Variants in ARHGAP23 observed in about 807,000 individuals in gnomAD.
The protein encoded by ARHGAP23 is Rho GTPase activating protein 23.
Under a neutral mutation model 136.3 loss-of-function variants are expected in ARHGAP23, and 34 were observed. The ratio of observed to expected loss-of-function variants is 0.25; its 90% CI spans 0.19 to 0.33. ARHGAP23 has a LOEUF of 0.33. ARHGAP23 is among the 10% of genes least tolerant of loss of function. The probability of loss-of-function intolerance (pLI) is 1.00; values close to 1 mark genes in which losing one functional copy is unlikely to be tolerated. For missense variants in ARHGAP23, 1,808 were observed against 2,139.0 expected (o/e 0.85, Z 3.05); for synonymous variants, 832 against 920.5 (o/e 0.90, Z 1.74).
intron 1 of ARHGAP23, among the ~76,000 whole-genome samples, chr17:38,448,652 T>TG (rs1265659462): frequency 2.7e-5 from 4 of 148,594 alleles, no homozygotes; most frequent in African/African-American, 1.0e-4. Flanking sequence ...TTTTTTTTTT[T>TG]TTTTTTTTTT....
upstream of ARHGAP23, among the ~76,000 whole-genome samples, chr17:38,426,572 A>AAAAAAAAAAAAAAAAAAAG (rs1567767218): frequency 2.7e-5 from 4 of 149,390 alleles, no homozygotes; most frequent in African/African-American, 7.5e-5. Context: ...AAAAAAAAAA[A>AAAAAAAAAAAAAAAAAAAG]TCCAGGCAGT....
At chr17:38,469,457 A>T (rs998903139) in intron 8 of ARHGAP23, 67 bp from the exon 9 acceptor site, 26 of 1,485,766 alleles carry the variant, frequency 1.7e-5, no homozygotes, top group Non-Finnish European at 2.4e-5. Context: ...CCCAGAAGGG[A>T]GGGCTCTGGG....
At position 38,482,600 on chromosome 17, in the gene ARHGAP23, G is replaced by T; in HGVS notation, c.2829G>T (p.Val943=). Residue 943 remains valine, a synonymous_variant, in exon 16 of 24, where the codon GTG becomes GTT. Transcript: ENST00000622683. ...TGGAGTCCACAGGCATTTACCGAGTGCCCGGCAACAATGCAGTGGTGTCCA... is the reference window on the plus strand; with the variant it reads ...TGGAGTCCACAGGCATTTACCGAGTTCCCGGCAACAATGCAGTGGTGTCCA... ...RGLESTGIYR[V]PGNNAVVSSL... The T allele has an allele frequency of 1.3e-6, 2 of 1,550,184 alleles. No individual in the cohort carries two copies. The highest frequency in any genetic ancestry group is 1.4e-5 in the African/African-American group (1 of 73,136).
At chr17:38,473,766 G>A (rs914815877) in intron 11 of ARHGAP23, among the ~76,000 whole-genome samples, 1 of 152,102 alleles carries the variant, frequency 6.6e-6, no homozygotes, top group African/African-American at 2.4e-5. Flanking sequence ...CAGTGGAGGG[G>A]CCTGACAGGG....
chr17:38,433,081 T>C (rs527575691), intron 1 of ARHGAP23, among the ~76,000 whole-genome samples: 8 of 152,270 alleles, frequency 5.3e-5, no homozygotes, highest in Middle Eastern at 6.8e-3. Flanking sequence ...GCCTCCTGAG[T>C]AGTTGAGACT....
At chr17:38,422,204 C>G (rs1314758132) in intron 1 of ARHGAP23, among the ~76,000 whole-genome samples, 4 of 152,244 alleles carry the variant, frequency 2.6e-5, no homozygotes, top group Non-Finnish European at 5.9e-5. Flanking sequence ...TACTTAGCCT[C>G]TCTGTGTCTG....
At chr17:38,457,040 G>C (rs892954666) in intron 1 of ARHGAP23, among the ~76,000 whole-genome samples, 1 of 152,186 alleles carries the variant, frequency 6.6e-6, no homozygotes, top group African/African-American at 2.4e-5. Context: ...CTCTTGAGTA[G>C]CTGGGATTAC....
intron 1 of ARHGAP23, among the ~76,000 whole-genome samples, chr17:38,421,864 T>C (rs4795275): frequency 0.36 from 55,196 of 152,162 alleles, 11,693 homozygotes; most frequent in African/African-American, 0.59. Context: ...CCTTCCCCTT[T>C]GCTTCCTCTC....
intron 19 of ARHGAP23, 28 bp downstream of exon 19, chr17:38,490,579 G>C (rs12940127): frequency 6.8e-7 from 1 of 1,471,562 alleles, no homozygotes; most frequent in African/African-American, 1.4e-5. Flanking sequence ...ATGGAGTCTG[G>C]GGGAGGCAAG....
chr17:38,455,867 C>A (rs1409482187), intron 1 of ARHGAP23, among the ~76,000 whole-genome samples: 1 of 152,196 alleles, frequency 6.6e-6, no homozygotes, highest in Non-Finnish European at 1.5e-5. Context: ...CTCTGGGCTC[C>A]CCAGGCCCCC....
intron 1 of ARHGAP23, among the ~76,000 whole-genome samples, chr17:38,456,619 AGTCCTCTAGGG>A (rs1208133747): frequency 6.6e-6 from 1 of 152,086 alleles, no homozygotes; most frequent in Non-Finnish European, 1.5e-5. Flanking sequence ...TGGATTTAAG[AGTCCTCTAGGG>A]GTCCTCTTGG....
intron 19 of ARHGAP23, 80 bp downstream of exon 19, chr17:38,490,631 C>G (rs2040256591): frequency 1.7e-6 from 2 of 1,157,668 alleles, no homozygotes; most frequent in Non-Finnish European, 2.5e-6. Context: ...GCACTGAGCT[C>G]CAGCAGGTCC....
intron 1 of ARHGAP23, among the ~76,000 whole-genome samples, chr17:38,420,634 G>A (rs930104620): frequency 6.6e-6 from 1 of 152,114 alleles, no homozygotes; most frequent in Non-Finnish European, 1.5e-5. Context: ...GTTCTGGGGG[G>A]TTGGAGAGGG....
rs2040779519 is a variant in ARHGAP23 at position 38,512,339 on chromosome 17, G to T, written c.*1367G>T. On this transcript the variant is annotated 3_prime_UTR_variant, in exon 24 of 24. Transcript: ENST00000622683. ...AAATTTCCTGCTTCTGAAAAGTCCT[G>T]TCTTAAAAGTACAGTCTATATCTTG... 6.6e-6 allele frequency: 1 copy of T among 152,186 alleles called. No homozygotes were observed. Among genetic ancestry groups the T allele is most frequent in the Non-Finnish European group, 1.5e-5 (1 of 68,046 alleles). The allele number at this position is 152,186 out of a possible 1,614,324, so 9.4% of individuals were successfully genotyped here. A position where few individuals can be genotyped will look rare whatever the true frequency, so the allele number is the denominator to read the frequency against.
chr17:38,456,753 G>A (rs1158112551), intron 1 of ARHGAP23, among the ~76,000 whole-genome samples: 2 of 152,164 alleles, frequency 1.3e-5, no homozygotes, highest in African/African-American at 2.4e-5. Context: ...GTGTCCCAAA[G>A]GGAGCCCTGT....
At chr17:38,449,411 G>A (rs1165022512) in intron 1 of ARHGAP23, among the ~76,000 whole-genome samples, 1 of 152,246 alleles carries the variant, frequency 6.6e-6, no homozygotes, top group Non-Finnish European at 1.5e-5. Flanking sequence ...TACATGGAGG[G>A]CGCTGCGGAG....
chr17:38,466,084 C>T (rs1257657292), intron 6 of ARHGAP23, 83 bp from the exon 7 acceptor site: 1 of 1,203,666 alleles, frequency 8.3e-7, no homozygotes, highest in African/African-American at 1.7e-5. Context: ...CCCTCCTGGG[C>T]TCCTTGACCT....
At chr17:38,438,798 ACATGG>A (rs1397271646) in intron 1 of ARHGAP23, among the ~76,000 whole-genome samples, 1 of 152,042 alleles carries the variant, frequency 6.6e-6, no homozygotes, top group Non-Finnish European at 1.5e-5. Context: ...AGCCTGACCA[ACATGG>A]AGAAACCCCG....
rs530654339 is a variant in ARHGAP23 at position 38,455,560 on chromosome 17, G to T, written c.64-2542G>T. ...ATGTGTGCTGGGGGAGGGGCGGGGG[G>T]CGTGCGGGGACCTGTCCCAGCCACT... is the stretch of plus-strand genomic sequence containing the variant. On this transcript the variant is annotated intron_variant, in intron 1 of 23. Coordinates refer to ENST00000622683, the MANE Select transcript of ARHGAP23 (RefSeq NM_001199417.2). Among the ~76,000 whole-genome samples, 3 of 152,272 alleles carry T rather than the reference G, an allele frequency of 2.0e-5. No individual in the cohort carries two copies. In the East Asian group the frequency reaches 5.8e-4, roughly 29 times the overall value.
Sources: allele counts gnomAD v4.1 joint callset (sites outside exome capture counted in the v4.1 genomes callset), GRCh38; gene constraint gnomAD v4.1.1; transcripts MANE v1.5; gene names NCBI Gene and HGNC (gene_info 2026-07-23, HGNC 2026-07-21).